Variants in PLB1 observed in about 807,000 individuals in gnomAD.
The protein encoded by PLB1 is phospholipase B1, also known as phospholipase B1, membrane-associated.
PLB1 carries 242 observed loss-of-function variants against 227.4 expected under a neutral mutation model. The ratio of observed to expected loss-of-function variants is 1.06; its 90% confidence interval spans 0.96 to 1.18. The LOEUF (loss-of-function observed/expected upper bound fraction) is 1.18, where lower values mean the gene tolerates loss of function less well. Among genes scored for constraint, PLB1 ranks in the 50% most tolerant of loss-of-function variants. The probability of loss-of-function intolerance (pLI) is 0.00; values close to 1 mark genes in which losing one functional copy is unlikely to be tolerated. For synonymous variants in PLB1, 757 were observed against 682.2 expected, an observed-to-expected ratio of 1.11 and a Z score of -1.71; for missense variants, 1,858 against 1,816.3, an observed-to-expected ratio of 1.02 and a Z score of -0.42.
chr2:28,614,085 C>T lies in PLB1; in HGVS notation c.3184C>T (p.Pro1062Ser). ...RNSNYTYPIK[P>S]AIENWGSDFL... ...TAGTAACTACACGTACCCCATCAAG[C>T]CAGCCATTGAGGTAACCCCTGACTC... The change falls in exon 44 of 58, where the codon CCA (proline) becomes TCA (serine). Residue 1062 changes from proline to serine, a missense_variant. Coordinates refer to ENST00000327757, the MANE Select transcript of PLB1 (RefSeq NM_153021.5). 1 of 1,612,570 alleles carries T rather than the reference C, an allele frequency of 6.2e-7. No individual in the cohort carries two copies.
intron 44 of PLB1, among the ~76,000 whole-genome samples, chr2:28,615,757 A>G (rs1305201006): frequency 2.0e-5 from 3 of 152,228 alleles, no homozygotes; most frequent in Non-Finnish European, 4.4e-5. Flanking sequence ...CTCGGTAGAC[A>G]GTGGTGAGCC....
At chr2:28,518,352 A>C in intron 2 of PLB1, 114 bp from the exon 3 acceptor site, 1 of 804,550 alleles carries the variant, frequency 1.2e-6, no homozygotes, top group Non-Finnish European at 2.1e-6. Flanking sequence ...TGTTGTTTCT[A>C]GATTTTGAGC....
chr2:28,626,371 CAA>C, intron 50 of PLB1, 55 bp from the exon 51 acceptor site: 1 of 1,479,456 alleles, frequency 6.8e-7, no homozygotes, highest in African/African-American at 1.4e-5. Flanking sequence ...GGCCCAGTAG[CAA>C]CATTTGTATG....
intron 50 of PLB1, 33 bp downstream of exon 50, chr2:28,625,141 G>T (rs201707583): frequency 1.3e-6 from 2 of 1,596,146 alleles, no homozygotes; most frequent in African/African-American, 2.7e-5. Context: ...CCCCTGAAAG[G>T]TGCCCATCTC....
intron 6 of PLB1, 143 bp downstream of exon 6, chr2:28,526,088 C>A: frequency 3.2e-6 from 3 of 924,434 alleles, no homozygotes; most frequent in South Asian, 1.6e-5. Context: ...TCTGAGAGGA[C>A]AGATCAGGAA....
intron 42 of PLB1, 146 bp downstream of exon 42, chr2:28,606,094 CCTTAAG>C (rs1684640809): frequency 4.5e-6 from 3 of 668,416 alleles, no homozygotes; most frequent in Non-Finnish European, 7.8e-6. Flanking sequence ...AATGCGGAGT[CCTTAAG>C]AGTCTGCTCA....
At position 28,532,113 on chromosome 2, in the gene PLB1, T is replaced by G; in HGVS notation, c.474T>G (p.Leu158=). 6.2e-7 allele frequency: 1 copy of G among 1,611,382 alleles called. No homozygotes were observed. The highest frequency in any genetic ancestry group is 2.2e-5 in the East Asian group (1 of 44,708). The change falls in exon 9 of 58, where the codon CTT becomes CTG. Residue 158 remains leucine (L), a synonymous_variant. Transcript: ENST00000327757. ...LVRNMKENLQ[L]DFQFDWKLIN... Reference sequence around the variant, plus strand: ...GCTGTTGCCCTTTTATTCAGCAACTTGACTTTCAATTTGACTGGAAGCTCA... The same window carrying G: ...GCTGTTGCCCTTTTATTCAGCAACTGGACTTTCAATTTGACTGGAAGCTCA...
chr2:28,638,001 A>G (rs916981623), intron 56 of PLB1, among the ~76,000 whole-genome samples: 2 of 152,086 alleles, frequency 1.3e-5, no homozygotes, highest in Non-Finnish European at 2.9e-5. Context: ...TTCTCCATTC[A>G]GGTCTCTGTG....
In PLB1 at chr2:28,538,331, G is replaced by A; in HGVS notation, c.568G>A (p.Ala190Thr). ...TCTCCTCTCACAGAATGGGCTTGCG[G>A]CGGGCGGCGTGGATGAGCTGATGGG... ...CPSAQQNGLA[A>T]GGVDELMGVL... is the part of the protein sequence containing the mutation. The change falls in exon 10 of 58, where the codon GCG (alanine) becomes ACG (threonine). Residue 190 changes from alanine to threonine, a missense_variant. By Grantham distance (58) the Ala-to-Thr change is moderately conservative. Transcript: ENST00000327757. 2 of 1,613,608 alleles carry A rather than the reference G, an allele frequency of 1.2e-6. No individual in the cohort carries two copies. Among genetic ancestry groups the A allele is most frequent in the African/African-American group, 1.3e-5 (1 of 75,020 alleles).
chr2:28,514,609 C>T (rs1668636759), intron 1 of PLB1, among the ~76,000 whole-genome samples: 1 of 152,208 alleles, frequency 6.6e-6, no homozygotes, highest in African/African-American at 2.4e-5. Context: ...TTTCATACTA[C>T]AGCAGCAGAG....
At chr2:28,595,604 A>T (rs1682778842) in intron 33 of PLB1, 1 of 152,192 alleles carries the variant, frequency 6.6e-6, no homozygotes, top group African/African-American at 2.4e-5. Context: ...TGTTTCCCTT[A>T]ATTCCAGAAC....
In PLB1 at chr2:28,633,016, GC is replaced by G. The variant is rs1688852526; in HGVS notation, c.4077del (p.Ile1360SerfsTer92). 1.2e-6 allele frequency: 2 copies of G among 1,611,298 alleles called. No homozygotes were observed. The highest frequency in any genetic ancestry group is 1.7e-6 in the Non-Finnish European group (2 of 1,179,976). Reference sequence around the variant, plus strand: ...CTCAGACCGCGGGCATGCCGAGATGGCCATCGCACTCTGGAACAACATGGTG... The same window carrying G: ...CTCAGACCGCGGGCATGCCGAGATGGCATCGCACTCTGGAACAACATGGTG... ...HFSDRGHAEM[A>X]IALWNNMLEP... On this transcript the variant is annotated frameshift_variant, in exon 56 of 58. Transcript: ENST00000327757. LOFTEE classifies it high-confidence loss of function.
In PLB1 at chr2:28,586,052, C is replaced by G. The variant is rs72850405; in HGVS notation, c.1815+210C>G. Among the ~76,000 whole-genome samples, 1,112 of 152,300 alleles carry G rather than the reference C, an allele frequency of 7.3e-3. 8 individuals carry two copies. Among genetic ancestry groups the G allele is most frequent in the African/African-American group, 0.025 (1,040 of 41,554 alleles). On this transcript the variant is annotated intron_variant, in intron 26 of 57. Coordinates refer to ENST00000327757, the MANE Select transcript of PLB1 (RefSeq NM_153021.5). Reference sequence around the variant, plus strand: ...CACAGAACCAAGTCCCTGAACATGACCCACTGAATCTCAGTTCCTGGTCGT... The same window carrying G: ...CACAGAACCAAGTCCCTGAACATGAGCCACTGAATCTCAGTTCCTGGTCGT...
intron 11 of PLB1, 136 bp from the exon 12 acceptor site, chr2:28,540,230 T>C: frequency 2.9e-6 from 2 of 701,682 alleles, no homozygotes. Context: ...TTATGTCCTC[T>C]AAGACTTATG....
At chr2:28,606,325 A>G (rs1300070174) in intron 42 of PLB1, among the ~76,000 whole-genome samples, 171 bp from the exon 43 acceptor site, 1 of 152,254 alleles carries the variant, frequency 6.6e-6, no homozygotes, top group African/African-American at 2.4e-5. Context: ...CCAGAGAAGC[A>G]AAGCGACTGG....
chr2:28,607,193 G>A (rs1367747364), intron 43 of PLB1, among the ~76,000 whole-genome samples: 1 of 152,180 alleles, frequency 6.6e-6, no homozygotes, highest in African/African-American at 2.4e-5. Context: ...TTCAGCTCCT[G>A]TTTCTAGGCC....
intron 26 of PLB1, among the ~76,000 whole-genome samples, chr2:28,587,457 A>G (rs1681090368): frequency 6.6e-6 from 1 of 152,150 alleles, no homozygotes; most frequent in African/African-American, 2.4e-5. Flanking sequence ...AAAAAATACC[A>G]AAATTAGTCG....
chr2:28,641,072 C>A, intron 57 of PLB1, 71 bp downstream of exon 57: 1 of 1,418,746 alleles, frequency 7.0e-7, no homozygotes, highest in Non-Finnish European at 9.7e-7. Context: ...CCCCTGGAAG[C>A]ACAGAGGAGT....
intron 1 of PLB1, among the ~76,000 whole-genome samples, chr2:28,501,321 A>C (rs1158819509): frequency 6.6e-6 from 1 of 152,210 alleles, no homozygotes; most frequent in Non-Finnish European, 1.5e-5. Flanking sequence ...AACACCACCA[A>C]CAACAAATGA....
Sources: allele counts gnomAD v4.1 joint callset (sites outside exome capture counted in the v4.1 genomes callset), GRCh38; gene constraint gnomAD v4.1.1; transcripts MANE v1.5; gene names NCBI Gene and HGNC (gene_info 2026-07-23, HGNC 2026-07-21).